Variants in PDE4B observed in about 807,000 individuals in gnomAD.
PDE4B encodes phosphodiesterase 4B.
A neutral mutation model predicts 82.2 loss-of-function variants in PDE4B; 20 were observed. The observed-to-expected ratio is 0.24, with a 90% CI of 0.17 to 0.35. The LOEUF (loss-of-function observed/expected upper bound fraction) is 0.35. Ranked by LOEUF, PDE4B falls within the 10% of genes least tolerant of loss-of-function variation. PDE4B has a pLI of 1.00. For synonymous variants in PDE4B, 320 were observed against 318.9 expected (o/e 1.00, Z -0.04); for missense variants, 655 against 907.2 (o/e 0.72, Z 3.57).
intron 1 of PDE4B, among the ~76,000 whole-genome samples, chr1:65,909,454 G>C (rs1000808906): frequency 2.0e-5 from 3 of 152,014 alleles, no homozygotes; most frequent in African/African-American, 7.2e-5. Flanking sequence ...CAGAAGTCAG[G>C]GTCCTTTTCC....
intron 1 of PDE4B, among the ~76,000 whole-genome samples, chr1:65,798,971 G>C (rs754151297): frequency 6.6e-6 from 1 of 151,778 alleles, no homozygotes; most frequent in Non-Finnish European, 1.5e-5. Flanking sequence ...TGCCATCTTT[G>C]TGGGAAAGGC....
At chr1:65,984,733 G>T (rs1316716790) in intron 3 of PDE4B, among the ~76,000 whole-genome samples, 2 of 152,074 alleles carry the variant, frequency 1.3e-5, no homozygotes, top group Non-Finnish European at 2.9e-5. Flanking sequence ...TCCAGCCTGG[G>T]TGACAGAGTG....
At chr1:66,189,528 G>A (rs966860060) in intron 3 of PDE4B, among the ~76,000 whole-genome samples, 1 of 152,050 alleles carries the variant, frequency 6.6e-6, no homozygotes, top group Non-Finnish European at 1.5e-5. Context: ...GGCTTTGTTT[G>A]TTTCTTTTTA....
chr1:66,313,712 G>A (rs990980678), intron 7 of PDE4B, among the ~76,000 whole-genome samples: 7 of 152,220 alleles, frequency 4.6e-5, no homozygotes, highest in Non-Finnish European at 8.8e-5. Flanking sequence ...GGAAATGGGG[G>A]TAGAGTGACT....
At chr1:65,939,059 A>G (rs946837077) in intron 3 of PDE4B, among the ~76,000 whole-genome samples, 2 of 152,150 alleles carry the variant, frequency 1.3e-5, no homozygotes, top group African/African-American at 4.8e-5. Context: ...AGAGGAGGAC[A>G]TGTGCCAGAC....
chr1:65,847,598 G>C (rs1646281835), intron 1 of PDE4B, among the ~76,000 whole-genome samples: 1 of 152,188 alleles, frequency 6.6e-6, no homozygotes, highest in South Asian at 2.1e-4. Flanking sequence ...TGGTGACCTG[G>C]TGAGTTGTCA....
chr1:66,270,596 C>T (rs1260234501), intron 7 of PDE4B, among the ~76,000 whole-genome samples: 1 of 152,206 alleles, frequency 6.6e-6, no homozygotes. Flanking sequence ...AGCCTGAGAG[C>T]AGTGCTGCAT....
chr1:65,989,722 T>G (rs1651143061), intron 3 of PDE4B, among the ~76,000 whole-genome samples: 1 of 152,176 alleles, frequency 6.6e-6, no homozygotes, highest in Non-Finnish European at 1.5e-5. Flanking sequence ...AAATAGATTC[T>G]ATTTGCCTTT....
At chr1:66,244,378 T>C (rs1157006909) in intron 3 of PDE4B, among the ~76,000 whole-genome samples, 1 of 152,222 alleles carries the variant, frequency 6.6e-6, no homozygotes, top group South Asian at 2.1e-4. Context: ...AGGTGAAATA[T>C]GTGTCCTGAT....
At chr1:66,078,488 G>A (rs188874364) in intron 3 of PDE4B, among the ~76,000 whole-genome samples, 1 of 152,082 alleles carries the variant, frequency 6.6e-6, no homozygotes, top group Admixed American at 6.6e-5. Context: ...GAGATTACAG[G>A]TGTGACCCAC....
intron 7 of PDE4B, among the ~76,000 whole-genome samples, chr1:66,318,240 AC>A (rs1371432987): frequency 1.3e-5 from 2 of 152,136 alleles, no homozygotes; most frequent in East Asian, 3.8e-4. Flanking sequence ...AGATTATGTA[AC>A]CTCTCTGAGC....
chr1:66,066,515 G>A (rs994921981), intron 3 of PDE4B, among the ~76,000 whole-genome samples: 6 of 151,734 alleles, frequency 4.0e-5, no homozygotes, highest in African/African-American at 9.7e-5. Flanking sequence ...CTTTAGCACC[G>A]GCTCTATTGA....
intron 1 of PDE4B, among the ~76,000 whole-genome samples, chr1:65,887,287 T>TTC (rs1457031795): frequency 8.7e-6 from 1 of 114,952 alleles, no homozygotes; most frequent in African/African-American, 3.3e-5. Context: ...TTCTTTTTCT[T>TTC]TCTCTCTCTC....
At chr1:66,107,516 CAAACA>C (rs1645390419) in intron 3 of PDE4B, among the ~76,000 whole-genome samples, 3 of 114,090 alleles carry the variant, frequency 2.6e-5, no homozygotes, top group Non-Finnish European at 6.2e-5. Flanking sequence ...CAAAACAAAA[CAAACA>C]AAAAAAAAAA....
chr1:66,368,578 GT>G (rs1289867433), intron 15 of PDE4B, among the ~76,000 whole-genome samples: 1 of 152,188 alleles, frequency 6.6e-6, no homozygotes, highest in African/African-American at 2.4e-5. Context: ...GAAGACACAC[GT>G]TTTCCCCTTT....
chr1:66,320,013 A>G (rs1486980354), intron 7 of PDE4B, among the ~76,000 whole-genome samples: 2 of 152,180 alleles, frequency 1.3e-5, no homozygotes, highest in Non-Finnish European at 2.9e-5. Flanking sequence ...TGTTCTAACC[A>G]ACTAGAACTC....
chr1:66,285,484 T>C (rs1410741465), intron 7 of PDE4B, among the ~76,000 whole-genome samples: 2 of 152,062 alleles, frequency 1.3e-5, no homozygotes, highest in African/African-American at 2.4e-5. Context: ...AATTTTCAAC[T>C]CTCACACCCC....
intron 3 of PDE4B, among the ~76,000 whole-genome samples, chr1:66,197,559 G>A (rs1227910407): frequency 6.6e-6 from 1 of 152,084 alleles, no homozygotes; most frequent in Non-Finnish European, 1.5e-5. Context: ...TTACAGATAT[G>A]CAACTTAAAC....
chr1:65,836,246 T>G (rs1646138422), intron 1 of PDE4B, among the ~76,000 whole-genome samples: 1 of 152,172 alleles, frequency 6.6e-6, no homozygotes, highest in African/African-American at 2.4e-5. Flanking sequence ...CCGGACTTAG[T>G]AGCTCTGCTC....
Sources: gnomAD v4.1 joint callset for allele counts (sites outside exome capture counted in the v4.1 genomes callset) on GRCh38, gnomAD v4.1.1 for gene constraint, MANE v1.5 for transcripts, NCBI Gene and HGNC (gene_info 2026-07-23, HGNC 2026-07-21) for gene names.